Variants in SPON1 observed in about 807,000 individuals in gnomAD.
The protein encoded by SPON1 is spondin 1, also known as spondin-1.
A neutral mutation model predicts 111.7 loss-of-function variants in SPON1; 52 were observed. That is an observed-to-expected ratio of 0.47 (90% CI 0.37 to 0.59). The LOEUF is 0.59. Among genes scored for constraint, SPON1 ranks in the 20% least tolerant of loss-of-function variants. SPON1 has a pLI of 0.00. For missense variants in SPON1, 957 were observed against 1,068.5 expected (o/e 0.90, Z 1.46); for synonymous variants, 410 against 395.8 (o/e 1.04, Z -0.43).
At chr11:13,997,540 G>C (rs1848283325) in intron 2 of SPON1, among the ~76,000 whole-genome samples, 1 of 152,156 alleles carries the variant, frequency 6.6e-6, no homozygotes, top group African/African-American at 2.4e-5. Flanking sequence ...AGCAGCCTAG[G>C]GTGCATTTTC....
chr11:14,096,111 AG>A (rs1373507858), intron 5 of SPON1, among the ~76,000 whole-genome samples: 3 of 152,246 alleles, frequency 2.0e-5, no homozygotes, highest in African/African-American at 7.2e-5. Context: ...CAAAAGAGAA[AG>A]GATTAAATAT....
At chr11:14,024,535 G>T (rs538591446) in intron 2 of SPON1, among the ~76,000 whole-genome samples, 1 of 152,254 alleles carries the variant, frequency 6.6e-6, no homozygotes, top group Admixed American at 6.5e-5. Context: ...CTCAGAGTCC[G>T]CATTGTTCCA....
At chr11:14,004,347 A>G (rs1554912845) in intron 2 of SPON1, among the ~76,000 whole-genome samples, 1 of 152,214 alleles carries the variant, frequency 6.6e-6, no homozygotes, top group Admixed American at 6.5e-5. Flanking sequence ...TCCTCTAGGT[A>G]AATACCCAGA....
chr11:14,168,202 A>G (rs568495111), intron 6 of SPON1, among the ~76,000 whole-genome samples: 1 of 152,204 alleles, frequency 6.6e-6, no homozygotes, highest in Non-Finnish European at 1.5e-5. Context: ...AACAATTTTC[A>G]AAAGTCAAAC....
intron 3 of SPON1, among the ~76,000 whole-genome samples, chr11:14,065,622 A>G (rs995942776): frequency 6.6e-6 from 1 of 152,202 alleles, no homozygotes; most frequent in Admixed American, 6.5e-5. Context: ...CTTTAGGAAA[A>G]AAGTGTATAT....
At chr11:14,160,894 TA>T (rs1554931088) in intron 6 of SPON1, among the ~76,000 whole-genome samples, 4 of 60,266 alleles carry the variant, frequency 6.6e-5, no homozygotes, top group African/African-American at 2.7e-4. Context: ...TATTTATATA[TA>T]TTTATATATT....
intron 7 of SPON1, among the ~76,000 whole-genome samples, chr11:14,246,343 G>C (rs1848989788): frequency 6.6e-6 from 1 of 152,154 alleles, no homozygotes; most frequent in Admixed American, 6.5e-5. Context: ...CCATGAGGTA[G>C]GTATTGCAAT....
In SPON1 at chr11:14,183,050, G is replaced by A. The variant is rs72861624; in HGVS notation, c.825+47482G>A. Among the ~76,000 whole-genome samples the A allele has an allele frequency of 9.1e-3, 1,391 of 152,340 alleles. 14 individuals carry two copies. Among genetic ancestry groups the A allele is most frequent in the Middle Eastern group, 0.017 (5 of 294 alleles). On this transcript the variant is annotated intron_variant, in intron 6 of 15. Transcript: ENST00000576479. Reference sequence around the variant, plus strand: ...AAATTGCAAAATCTTATCCATGACTGTGAAATGGCTTTATAGTTAGGAAAA... The same window carrying A: ...AAATTGCAAAATCTTATCCATGACTATGAAATGGCTTTATAGTTAGGAAAA...
intron 2 of SPON1, among the ~76,000 whole-genome samples, chr11:13,993,975 T>C (rs181635619): frequency 3.3e-4 from 50 of 152,340 alleles, no homozygotes; most frequent in Non-Finnish European, 5.1e-4. Context: ...GATATTTGTC[T>C]GAGAAGAGCA....
At chr11:14,043,037 AG>A (rs1423325048) in intron 3 of SPON1, among the ~76,000 whole-genome samples, 4 of 152,260 alleles carry the variant, frequency 2.6e-5, no homozygotes, top group Non-Finnish European at 5.9e-5. Flanking sequence ...GAATTTTAAA[AG>A]ATGAAATCAT....
At position 14,197,360 on chromosome 11, in the gene SPON1, C is replaced by T. The variant is rs555907569; in HGVS notation, c.826-45972C>T. ...TGAGTTGTTACGGGCCCCACTTTGC[C>T]CTCAGTGCCCGAAAGCACAGGACTA... On this transcript the variant is annotated intron_variant, in intron 6 of 15. Transcript: ENST00000576479. Among the ~76,000 whole-genome samples the T allele has an allele frequency of 3.9e-5, 6 of 152,134 alleles. No individual in the cohort carries two copies. The East Asian group carries it at 1.2e-3, about 29-fold the overall frequency.
chr11:14,035,345 G>C (rs1251158692), intron 2 of SPON1, among the ~76,000 whole-genome samples: 2 of 152,168 alleles, frequency 1.3e-5, no homozygotes, highest in Non-Finnish European at 2.9e-5. Flanking sequence ...CTGCATTACA[G>C]TAGTTTCCTA....
chr11:14,104,753 C>A (rs1849172126), intron 5 of SPON1, among the ~76,000 whole-genome samples: 1 of 151,992 alleles, frequency 6.6e-6, no homozygotes, highest in Non-Finnish European at 1.5e-5. Context: ...TCAGGTCTAT[C>A]TTTTAAGATC....
intron 5 of SPON1, among the ~76,000 whole-genome samples, chr11:14,095,850 A>G (rs1405034805): frequency 6.6e-6 from 1 of 152,240 alleles, no homozygotes; most frequent in Non-Finnish European, 1.5e-5. Flanking sequence ...GCTGACACAT[A>G]AAATGAACCA....
chr11:14,055,217 A>G (rs1296296917), intron 3 of SPON1, among the ~76,000 whole-genome samples: 1 of 152,184 alleles, frequency 6.6e-6, no homozygotes, highest in Non-Finnish European at 1.5e-5. Flanking sequence ...GTTTCTTTGT[A>G]CATTGAGATG....
chr11:14,149,064 G>C (rs1847757809), intron 6 of SPON1, among the ~76,000 whole-genome samples: 1 of 152,002 alleles, frequency 6.6e-6, no homozygotes, highest in Non-Finnish European at 1.5e-5. Context: ...TATTTTAGAG[G>C]GTACTCCTAC....
In SPON1 at chr11:14,266,581, C is replaced by T. The variant is rs897831365; in HGVS notation, c.*894C>T. ...TAAAATCTTCCTACACACATCTAGA[C>T]GTTCAAGTTTGCAAATCAGTTTTTA... On this transcript the variant is annotated 3_prime_UTR_variant, in exon 16 of 16. Coordinates refer to ENST00000576479, the MANE Select transcript of SPON1 (RefSeq NM_006108.4). 6.6e-6 allele frequency: 1 copy of T among 152,072 alleles called. No individual in the cohort carries two copies. Among genetic ancestry groups the T allele is most frequent in the African/African-American group, 2.4e-5 (1 of 41,404 alleles). The allele number at this position is 152,072 out of a possible 1,614,324, so 9.4% of individuals were successfully genotyped here.
intron 6 of SPON1, among the ~76,000 whole-genome samples, chr11:14,151,021 G>C (rs1229029621): frequency 1.3e-5 from 2 of 152,228 alleles, no homozygotes; most frequent in African/African-American, 2.4e-5. Flanking sequence ...AAGGCAGCCA[G>C]TGTATGCCCT....
chr11:13,970,218 G>A (rs1157320522), intron 1 of SPON1, among the ~76,000 whole-genome samples: 1 of 152,216 alleles, frequency 6.6e-6, no homozygotes, highest in African/African-American at 2.4e-5. Context: ...CAGGGATGGA[G>A]TTGGGGTGCA....
Sources: allele counts gnomAD v4.1 joint callset (sites outside exome capture counted in the v4.1 genomes callset), GRCh38; gene constraint gnomAD v4.1.1; transcripts MANE v1.5; gene names NCBI Gene and HGNC (gene_info 2026-07-23, HGNC 2026-07-21).